PTPRR: variants seen among roughly 807,000 people sequenced by gnomAD.
PTPRR encodes protein tyrosine phosphatase receptor type R.
Under a neutral mutation model 77.2 loss-of-function variants are expected in PTPRR, and 38 were observed. The observed-to-expected ratio is 0.49, with a 90% CI of 0.38 to 0.65. The LOEUF (loss-of-function observed/expected upper bound fraction) is 0.65. Among genes scored for constraint, PTPRR ranks in the 30% least tolerant of loss-of-function variants. PTPRR has a pLI of 0.00. For missense variants in PTPRR, 744 were observed against 799.2 expected, an observed-to-expected ratio of 0.93 and a Z score of 0.83; for synonymous variants, 299 against 283.1, an observed-to-expected ratio of 1.06 and a Z score of -0.57.
At chr12:70,874,587 ATT>A (rs569259600) in intron 2 of PTPRR, among the ~76,000 whole-genome samples, 8 of 152,314 alleles carry the variant, frequency 5.3e-5, no homozygotes, top group African/African-American at 1.9e-4. Flanking sequence ...GCAAATTGTC[ATT>A]ATCTTTCGGG....
chr12:70,901,695 C>T lies in PTPRR; in HGVS notation c.59-8718G>A, dbSNP rs142435834. 1.2e-3 allele frequency among the ~76,000 whole-genome samples: 187 copies of T among 151,562 alleles called. 1 individual carries two copies. The highest frequency in any genetic ancestry group is 4.3e-3 in the African/African-American group (177 of 41,402). Reference sequence around the variant, plus strand: ...AAACCCTTCTAGATATTGTCTTAGGCGAGGATTTCATGGCCAATAACCCAA... The same window carrying T: ...AAACCCTTCTAGATATTGTCTTAGGTGAGGATTTCATGGCCAATAACCCAA... On this transcript the variant is annotated intron_variant, in intron 1 of 13. Transcript: ENST00000283228.
chr12:70,721,839 A>G (rs1423259651), intron 6 of PTPRR, among the ~76,000 whole-genome samples: 2 of 152,174 alleles, frequency 1.3e-5, no homozygotes, highest in Non-Finnish European at 2.9e-5. Context: ...TTGGGAGGAT[A>G]GTTGGATGAT....
chr12:70,718,742 T>C (rs1370024348), intron 6 of PTPRR, among the ~76,000 whole-genome samples: 4 of 152,238 alleles, frequency 2.6e-5, no homozygotes, highest in African/African-American at 4.8e-5. Flanking sequence ...GTGTGTATAT[T>C]GTAGATGAGG....
intron 2 of PTPRR, among the ~76,000 whole-genome samples, chr12:70,804,631 A>G (rs1049272313): frequency 1.3e-5 from 2 of 152,132 alleles, no homozygotes; most frequent in Non-Finnish European, 2.9e-5. Flanking sequence ...CTATACCAAT[A>G]TCCATATGGC....
chr12:70,873,776 G>A (rs919175066), intron 2 of PTPRR, among the ~76,000 whole-genome samples: 3 of 152,068 alleles, frequency 2.0e-5, no homozygotes, highest in African/African-American at 7.2e-5. Flanking sequence ...GTCGGGGAGT[G>A]GTGGGGGGTG....
intron 13 of PTPRR, 125 bp from the exon 14 acceptor site, chr12:70,639,402 T>C (rs1156236298): frequency 2.9e-6 from 4 of 1,393,640 alleles, no homozygotes; most frequent in Non-Finnish European, 3.8e-6. Context: ...CTAGTGGTTC[T>C]TTTGTTATCC....
intron 5 of PTPRR, among the ~76,000 whole-genome samples, chr12:70,750,906 CT>C (rs35134063): frequency 0.1 from 14,803 of 141,062 alleles, 734 homozygotes; most frequent in East Asian, 0.12. Flanking sequence ...TTTTTAAACC[CT>C]TTTTTTTTTT....
chr12:70,662,474 G>T, intron 11 of PTPRR, 21 bp downstream of exon 11: 1 of 1,416,340 alleles, frequency 7.1e-7, no homozygotes, highest in Non-Finnish European at 9.9e-7. Flanking sequence ...TTTGTAGATG[G>T]CTATAGCTAC....
rs748535182 is a variant in PTPRR at position 70,684,797 on chromosome 12, CAAA to C, written c.1280-17_1280-15del. The C allele has an allele frequency of 6.4e-7, 1 of 1,557,146 alleles. No homozygotes were observed. Among genetic ancestry groups the C allele is most frequent in the South Asian group, 1.2e-5 (1 of 85,168 alleles). On this transcript the variant is annotated splice_polypyrimidine_tract_variant and intron_variant, in intron 8 of 13. Transcript: ENST00000283228. ...TGCTGAGGGGATCTAATGAAGAAAA[CAAA>C]AAAGAATATATTAAACAGATTTACC...
At chr12:70,801,546 G>A (rs1008254707) in intron 2 of PTPRR, among the ~76,000 whole-genome samples, 7 of 152,154 alleles carry the variant, frequency 4.6e-5, no homozygotes, top group Admixed American at 3.3e-4. Flanking sequence ...ATTCAGATTC[G>A]AACTTACACC....
At chr12:70,910,189 T>C (rs1002763887) in intron 1 of PTPRR, among the ~76,000 whole-genome samples, 2 of 152,162 alleles carry the variant, frequency 1.3e-5, no homozygotes, top group African/African-American at 4.8e-5. Context: ...CTACAACTAC[T>C]AGTATTGAAT....
At chr12:70,866,212 C>CA (rs1354365857) in intron 2 of PTPRR, among the ~76,000 whole-genome samples, 11 of 151,850 alleles carry the variant, frequency 7.2e-5, no homozygotes, top group Non-Finnish European at 1.3e-4. Flanking sequence ...AATAGAGACA[C>CA]AAAAAACCCT....
chr12:70,748,426 T>G (rs900910691), intron 5 of PTPRR, among the ~76,000 whole-genome samples: 19 of 152,208 alleles, frequency 1.2e-4, no homozygotes, highest in Non-Finnish European at 2.8e-4. Context: ...GGGAATTCAC[T>G]TTGTTGAAAA....
Position 70,749,935 on chromosome 12 carries a change from T to C in PTPRR, c.739-3849A>G, listed in dbSNP as rs998702214. 2.6e-5 allele frequency among the ~76,000 whole-genome samples: 4 copies of C among 152,238 alleles called. No individual in the cohort carries two copies. In the South Asian group the frequency reaches 8.3e-4, roughly 32 times the overall value. ...CTAATTTAGATGATAAATGGTGTTC[T>C]TTCTATTATTTGTTCAAGTTTAAGA... On this transcript the variant is annotated intron_variant, in intron 5 of 13. Transcript: ENST00000283228.
At chr12:70,752,028 C>T (rs759754437) in intron 5 of PTPRR, among the ~76,000 whole-genome samples, 15 of 152,168 alleles carry the variant, frequency 9.9e-5, no homozygotes, top group Non-Finnish European at 2.1e-4. Flanking sequence ...CTGGCAACCA[C>T]TGATATTTTC....
intron 2 of PTPRR, among the ~76,000 whole-genome samples, chr12:70,861,935 T>C (rs534250475): frequency 6.6e-6 from 1 of 152,264 alleles, no homozygotes; most frequent in South Asian, 2.1e-4. Context: ...AATGCTCAGA[T>C]GGTCATGCTC....
intron 2 of PTPRR, among the ~76,000 whole-genome samples, chr12:70,892,066 T>C (rs915772872): frequency 6.6e-6 from 1 of 152,094 alleles, no homozygotes; most frequent in Admixed American, 6.6e-5. Context: ...ACCTGGGTTA[T>C]ACAAGCAAGG....
At chr12:70,894,757 A>G (rs534542963) in intron 1 of PTPRR, among the ~76,000 whole-genome samples, 1 of 151,876 alleles carries the variant, frequency 6.6e-6, no homozygotes, top group South Asian at 2.1e-4. Context: ...GTTCTTAATG[A>G]GAGTTTCATT....
At chr12:70,730,214 A>T (rs935587996) in intron 6 of PTPRR, among the ~76,000 whole-genome samples, 3 of 152,180 alleles carry the variant, frequency 2.0e-5, no homozygotes, top group Admixed American at 6.5e-5. Flanking sequence ...ATGGAAGAAC[A>T]TATTTAAATT....
Sources: gnomAD v4.1 joint callset for allele counts (sites outside exome capture counted in the v4.1 genomes callset) on GRCh38, gnomAD v4.1.1 for gene constraint, MANE v1.5 for transcripts, NCBI Gene and HGNC (gene_info 2026-07-23, HGNC 2026-07-21) for gene names.